The following EYA2 variants were observed in gnomAD, a reference collection of about 807,000 sequenced individuals.
EYA2 encodes protein phosphatase EYA2.
Under a neutral mutation model 69.2 loss-of-function variants are expected in EYA2, and 31 were observed. The ratio of observed to expected loss-of-function variants is 0.45; its 90% CI spans 0.34 to 0.60. EYA2 has a LOEUF of 0.60. Among genes scored for constraint, EYA2 ranks in the 20% least tolerant of loss-of-function variants. The pLI is 0.02. For synonymous variants in EYA2, 257 were observed against 279.4 expected, an observed-to-expected ratio of 0.92 and a Z score of 0.80; for missense variants, 622 against 701.2, an observed-to-expected ratio of 0.89 and a Z score of 1.28.
At chr20:47,124,184 G>T (rs746019186) in intron 9 of EYA2, among the ~76,000 whole-genome samples, 6 of 152,136 alleles carry the variant, frequency 3.9e-5, no homozygotes, top group Non-Finnish European at 7.3e-5. Flanking sequence ...AGCTGGTGAG[G>T]TCCTGCTCAT....
intron 1 of EYA2, among the ~76,000 whole-genome samples, chr20:46,930,247 A>G (rs1428663995): frequency 1.3e-5 from 2 of 152,244 alleles, no homozygotes; most frequent in Non-Finnish European, 2.9e-5. Flanking sequence ...CATGTACTAT[A>G]TGACCTTTGG....
chr20:47,138,877 G>C (rs2033534863), intron 9 of EYA2, among the ~76,000 whole-genome samples: 1 of 152,156 alleles, frequency 6.6e-6, no homozygotes, highest in South Asian at 2.1e-4. Context: ...CAGCCTTTCA[G>C]ATATGTATAA....
rs551725213 is a variant in EYA2 at position 47,121,241 on chromosome 20, G to A, written c.889-21818G>A. Among the ~76,000 whole-genome samples, 94 of 152,192 alleles carry A rather than the reference G, an allele frequency of 6.2e-4. 1 individual carries two copies. The highest frequency in any genetic ancestry group is 8.9e-4 in the African/African-American group (37 of 41,532). ...GGAGTAGCTGGGTCTACAGGCACCC[G>A]CCGCCACACTCAGCTAATTTTTGTA... On this transcript the variant is annotated intron_variant, in intron 9 of 15. Transcript: ENST00000327619.
At chr20:47,076,498 T>C (rs2031523652) in intron 7 of EYA2, among the ~76,000 whole-genome samples, 1 of 152,258 alleles carries the variant, frequency 6.6e-6, no homozygotes, top group African/African-American at 2.4e-5. Flanking sequence ...TGCATGTATG[T>C]CTTCTTTTGA....
At chr20:47,139,495 C>A (rs553724317) in intron 9 of EYA2, among the ~76,000 whole-genome samples, 94 of 152,292 alleles carry the variant, frequency 6.2e-4, no homozygotes, top group African/African-American at 2.2e-3. Flanking sequence ...TGCAGTGGCA[C>A]AATCTCGGCT....
At chr20:47,149,741 A>G (rs1239822604) in intron 10 of EYA2, among the ~76,000 whole-genome samples, 2 of 151,714 alleles carry the variant, frequency 1.3e-5, no homozygotes, top group Non-Finnish European at 2.9e-5. Context: ...TGCACCTGTA[A>G]TCTCAGTTAC....
chr20:46,940,313 C>T (rs1256237272), intron 1 of EYA2, among the ~76,000 whole-genome samples: 1 of 152,120 alleles, frequency 6.6e-6, no homozygotes. Flanking sequence ...TGAGGTCCTC[C>T]CAGCCCTTGA....
chr20:47,032,249 A>G lies in EYA2; in HGVS notation c.415+15952A>G, dbSNP rs374862449. Among the ~76,000 whole-genome samples, 6 of 152,248 alleles carry G rather than the reference A, an allele frequency of 3.9e-5. 1 individual carries two copies. The highest frequency in any genetic ancestry group is 1.4e-4 in the African/African-American group (6 of 41,538). Reference sequence around the variant, plus strand: ...TCCAGATTCCACCCACCTTTGAGTTATGTGCTTCTTTCCCTGGGCCCGGGG... The same window carrying G: ...TCCAGATTCCACCCACCTTTGAGTTGTGTGCTTCTTTCCCTGGGCCCGGGG... On this transcript the variant is annotated intron_variant, in intron 5 of 15. Transcript: ENST00000327619.
chr20:47,174,795 C>T lies in EYA2; in HGVS notation c.1198+1928C>T, dbSNP rs148016300. ...GACGGAGGTTAAGTAACCTGCCCAG[C>T]GTCACACAGCCCAGGCAGAAGGGCC... On this transcript the variant is annotated intron_variant, in intron 12 of 15. Transcript: ENST00000327619. Among the ~76,000 whole-genome samples the T allele has an allele frequency of 1.6e-4, 24 of 152,348 alleles. No homozygotes were observed. In the East Asian group the frequency reaches 3.5e-3, roughly 22 times the overall value.
intron 1 of EYA2, among the ~76,000 whole-genome samples, chr20:46,912,450 A>G (rs140912794): frequency 2.6e-5 from 4 of 152,332 alleles, no homozygotes; most frequent in African/African-American, 4.8e-5. Flanking sequence ...CATCCATTCA[A>G]CACATATTTA....
At chr20:47,002,896 G>A (rs1463591319) in intron 3 of EYA2, among the ~76,000 whole-genome samples, 2 of 152,148 alleles carry the variant, frequency 1.3e-5, no homozygotes, top group African/African-American at 2.4e-5. Context: ...ACCCTTTATC[G>A]TGGCAGTAGT....
At chr20:46,917,708 A>G (rs940595778) in intron 1 of EYA2, among the ~76,000 whole-genome samples, 2 of 152,222 alleles carry the variant, frequency 1.3e-5, no homozygotes, top group African/African-American at 4.8e-5. Context: ...TAAGTGTGCA[A>G]TATTATTATG....
intron 7 of EYA2, among the ~76,000 whole-genome samples, chr20:47,075,042 C>T (rs1600689531): frequency 1.3e-5 from 2 of 152,312 alleles, no homozygotes; most frequent in African/African-American, 2.4e-5. Flanking sequence ...ACCTGGGAGG[C>T]GGAGGTTGCA....
At chr20:46,933,396 C>A (rs1261975524) in intron 1 of EYA2, among the ~76,000 whole-genome samples, 1 of 152,176 alleles carries the variant, frequency 6.6e-6, no homozygotes, top group Non-Finnish European at 1.5e-5. Flanking sequence ...GCTGGCCACA[C>A]TTCCACAGAT....
At chr20:47,068,130 A>G (rs1040741170) in intron 5 of EYA2, among the ~76,000 whole-genome samples, 2 of 152,190 alleles carry the variant, frequency 1.3e-5, no homozygotes, top group Non-Finnish European at 2.9e-5. Context: ...GTTTCTCTGT[A>G]TGGAACATGG....
chr20:46,903,352 C>T (rs897278050), intron 1 of EYA2, among the ~76,000 whole-genome samples: 2 of 152,220 alleles, frequency 1.3e-5, no homozygotes, highest in Non-Finnish European at 2.9e-5. Context: ...AGCAGTGCCT[C>T]GGCTTCTGCA....
intron 1 of EYA2, among the ~76,000 whole-genome samples, chr20:46,951,927 C>A (rs1269290111): frequency 6.6e-6 from 1 of 152,210 alleles, no homozygotes; most frequent in Non-Finnish European, 1.5e-5. Context: ...GTCAGTTTCC[C>A]TCTCTCCCTC....
At chr20:47,045,392 A>T (rs1380509839) in intron 5 of EYA2, among the ~76,000 whole-genome samples, 1 of 152,234 alleles carries the variant, frequency 6.6e-6, no homozygotes, top group African/African-American at 2.4e-5. Flanking sequence ...CAGAAGTCCC[A>T]GAACATCATT....
chr20:47,094,876 A>T (rs2032199037), intron 8 of EYA2, among the ~76,000 whole-genome samples: 1 of 152,092 alleles, frequency 6.6e-6, no homozygotes, highest in Non-Finnish European at 1.5e-5. Context: ...AAAAAGAAAG[A>T]TCAAAAATTA....
Sources: gnomAD v4.1 joint callset for allele counts (sites outside exome capture counted in the v4.1 genomes callset) on GRCh38, gnomAD v4.1.1 for gene constraint, MANE v1.5 for transcripts, NCBI Gene and HGNC (gene_info 2026-07-23, HGNC 2026-07-21) for gene names.